Variants in KRT72 observed in about 807,000 individuals in gnomAD.
KRT72 encodes the protein keratin, type II cytoskeletal 72.
A neutral mutation model predicts 44.7 loss-of-function variants in KRT72; 44 were observed. The observed-to-expected ratio is 0.98, with a 90% CI of 0.77 to 1.27. The LOEUF (loss-of-function observed/expected upper bound fraction) is 1.27, where lower values mean the gene tolerates loss of function less well. KRT72 is among the 50% of genes most tolerant of loss of function. The pLI is 0.00. For synonymous variants in KRT72, 302 were observed against 280.4 expected, an observed-to-expected ratio of 1.08 and a Z score of -0.77; for missense variants, 736 against 667.1, an observed-to-expected ratio of 1.10 and a Z score of -1.14.
Position 52,600,833 on chromosome 12 carries a change from C to T in KRT72, c.426+194G>A, listed in dbSNP as rs192740374. Among the ~76,000 whole-genome samples the T allele has an allele frequency of 4.0e-3, 607 of 152,168 alleles. 5 individuals are homozygous for T. Among genetic ancestry groups the T allele is most frequent in the African/African-American group, 0.014 (571 of 41,520 alleles). Reference sequence around the variant, plus strand: ...GTGCCAGGCACTGTTCTGAGCACTTCGTAAACATCCCAATTAAGCCTCATC... The same window carrying T: ...GTGCCAGGCACTGTTCTGAGCACTTTGTAAACATCCCAATTAAGCCTCATC... On this transcript the variant is annotated intron_variant, in intron 1 of 8. Transcript: ENST00000293745.
intron 4 of KRT72, 41 bp from the exon 5 acceptor site, chr12:52,591,669 C>G (rs377015608): frequency 1.3e-4 from 204 of 1,560,574 alleles, no homozygotes; most frequent in Non-Finnish European, 1.7e-4. Flanking sequence ...AAGGGGTACT[C>G]ATGAGGAACC....
At chr12:52,591,373 C>A in intron 5 of KRT72, 91 bp downstream of exon 5, 2 of 1,376,792 alleles carry the variant, frequency 1.5e-6, no homozygotes, top group Non-Finnish European at 2.0e-6. Flanking sequence ...CACACACACA[C>A]AAACACACGC....
intron 1 of KRT72, among the ~76,000 whole-genome samples, chr12:52,600,738 T>C (rs574144271): frequency 2.4e-4 from 36 of 152,096 alleles, no homozygotes; most frequent in African/African-American, 7.9e-4. Flanking sequence ...CTTTTTTTTT[T>C]TCCCAGTCTC....
chr12:52,588,131 C>A (rs577797097), intron 6 of KRT72, among the ~76,000 whole-genome samples: 6 of 152,332 alleles, frequency 3.9e-5, no homozygotes, highest in African/African-American at 1.2e-4. Context: ...ATGGCCCCTG[C>A]CCTCTCCCTC....
In KRT72 at chr12:52,587,887, A is replaced by G. The variant is rs368945209; in HGVS notation, c.1090-36T>C. 5.0e-6 allele frequency: 8 copies of G among 1,592,090 alleles called. No individual in the cohort carries two copies. In the African/African-American group the frequency reaches 6.7e-5, roughly 13 times the overall value. On this transcript the variant is annotated intron_variant, in intron 6 of 8. Transcript: ENST00000293745. ...AACAGATCCAGCACTTAAGAGTCAG[A>G]GCCCAGTTCTGAGATCTTGCTTGGA...
intron 2 of KRT72, among the ~76,000 whole-genome samples, chr12:52,594,395 GC>G (rs1409934163): frequency 6.6e-6 from 1 of 151,452 alleles, no homozygotes; most frequent in African/African-American, 2.4e-5. Flanking sequence ...TTAAGAAAAT[GC>G]GGCACATCTA....
Position 52,601,461 on chromosome 12 carries a change from A to G in KRT72, c.-9T>C, listed in dbSNP as rs759363233. 2 of 1,534,326 alleles carry G rather than the reference A, an allele frequency of 1.3e-6. No homozygotes were observed. The highest frequency in any genetic ancestry group is 1.7e-6 in the Non-Finnish European group (2 of 1,146,114). On this transcript the variant is annotated 5_prime_UTR_variant, in exon 1 of 9. Coordinates refer to ENST00000293745, the MANE Select transcript of KRT72 (RefSeq NM_080747.3). Reference sequence around the variant, plus strand: ...GTCAGTTGGCGGCTCATGGCTCGCAAGTACCGGTGCTGGCCGCGCGGGAGG... The same window carrying G: ...GTCAGTTGGCGGCTCATGGCTCGCAGGTACCGGTGCTGGCCGCGCGGGAGG...
At chr12:52,587,096 T>C (rs2120711229) in intron 7 of KRT72, 116 bp from the exon 8 acceptor site, 5 of 907,796 alleles carry the variant, frequency 5.5e-6, no homozygotes, top group Admixed American at 1.9e-5. Context: ...AAACCCATCC[T>C]AGCCTCCTTT....
chr12:52,588,692 A>AAAAT (rs979685680), intron 6 of KRT72, among the ~76,000 whole-genome samples: 5 of 152,294 alleles, frequency 3.3e-5, no homozygotes, highest in Admixed American at 1.3e-4. Flanking sequence ...ACTAAAATTA[A>AAAAT]AAATAAATAA....
intron 4 of KRT72, 54 bp from the exon 5 acceptor site, chr12:52,591,682 T>A: frequency 6.6e-7 from 1 of 1,526,302 alleles, no homozygotes; most frequent in Non-Finnish European, 9.0e-7. Context: ...GAGGAACCAG[T>A]TCTCTTGGTC....
rs765512861 is a variant in KRT72 at position 52,590,883 on chromosome 12, G to A, written c.1042C>T (p.Arg348Cys). The A allele has an allele frequency of 2.4e-5, 39 of 1,605,018 alleles. No individual in the cohort carries two copies. The highest frequency in any genetic ancestry group is 2.0e-4 in the East Asian group (9 of 44,734). ...LTKAEISELNRLIQRIRSEIG... is the reference protein window; with the variant it reads ...LTKAEISELNCLIQRIRSEIG... Reference sequence around the variant, plus strand: ...TCTGAGCGGATCCTCTGGATCAGGCGGTTGAGCTCAGAGATTTCAGCCTTG... The same window carrying A: ...TCTGAGCGGATCCTCTGGATCAGGCAGTTGAGCTCAGAGATTTCAGCCTTG... Residue 348 changes from arginine (R) to cysteine (C), a missense_variant, in exon 6 of 9, where the codon CGC becomes TGC. By Grantham distance (180) the Arg-to-Cys change is radical. Transcript: ENST00000293745.
Position 52,599,084 on chromosome 12 carries a change from A to G in KRT72, c.455T>C (p.Val152Ala). ...KVRFLEQQNQ[V>A]LETKWNLLQQ... is the part of the protein sequence containing the mutation. ...TAGGAGGTTCCACTTGGTCTCTAGC[A>G]CCTGATTCTGCTGCTCCAGGAACCG... The change falls in exon 2 of 9, where the codon GTG (valine) becomes GCG (alanine). Residue 152 changes from valine (V) to alanine (A), a missense_variant. By Grantham distance (64) the Val-to-Ala change is moderately conservative. Coordinates refer to ENST00000293745, the MANE Select transcript of KRT72 (RefSeq NM_080747.3). The G allele has an allele frequency of 6.2e-7, 1 of 1,614,082 alleles. No individual in the cohort carries two copies. The highest frequency in any genetic ancestry group is 8.5e-7 in the Non-Finnish European group (1 of 1,180,008).
At chr12:52,590,621 G>T (rs548121776) in intron 6 of KRT72, among the ~76,000 whole-genome samples, 77 of 152,212 alleles carry the variant, frequency 5.1e-4, no homozygotes, top group African/African-American at 1.7e-3. Flanking sequence ...GCTTCCCTGG[G>T]GTCCTCATTC....
At chr12:52,599,205 G>T in intron 1 of KRT72, 93 bp from the exon 2 acceptor site, 1 of 1,164,292 alleles carries the variant, frequency 8.6e-7, no homozygotes, top group Non-Finnish European at 1.3e-6. Context: ...CAGCCATCCT[G>T]GGGGACTGGG....
upstream of KRT72, among the ~76,000 whole-genome samples, chr12:52,601,965 TG>T (rs1444259210): frequency 6.6e-6 from 1 of 152,226 alleles, no homozygotes. Context: ...CCCAGGCTTC[TG>T]GATGAGGACA....
At position 52,601,101 on chromosome 12, in the gene KRT72, T is replaced by G; in HGVS notation, c.352A>C (p.Ile118Leu). Residue 118 changes from isoleucine (I) to leucine (L), a missense_variant, in exon 1 of 9, where the codon ATC becomes CTC. Transcript: ENST00000293745. ...APLNVEMDPE[I>L]QRVRAQEREQ... Reference sequence around the variant, plus strand: ...CGCTCCTGGGCGCGCACCCTCTGGATCTCGGGGTCCATCTCCACGTTGAGC... The same window carrying G: ...CGCTCCTGGGCGCGCACCCTCTGGAGCTCGGGGTCCATCTCCACGTTGAGC... 1.2e-6 allele frequency: 2 copies of G among 1,612,730 alleles called. No homozygotes were observed. The highest frequency in any genetic ancestry group is 1.7e-6 in the Non-Finnish European group (2 of 1,179,592).
chr12:52,585,738 T>C lies in KRT72; in HGVS notation c.*244A>G. The C allele has an allele frequency of 2.1e-6, 1 of 485,956 alleles. No homozygotes were observed. Among genetic ancestry groups the C allele is most frequent in the Admixed American group, 3.7e-5 (1 of 27,316 alleles). 30.1% of individuals were successfully genotyped at this position (485,956 alleles called of 1,614,324 possible). A position where few individuals can be genotyped will look rare whatever the true frequency, so the allele number is the denominator to read the frequency against. ...CTTGGGGAAACATCCTGGGTAAGTG[T>C]TGTCTTTGCATTTCAGGCAATGACC... On this transcript the variant is annotated 3_prime_UTR_variant, in exon 9 of 9. Coordinates refer to ENST00000293745, the MANE Select transcript of KRT72 (RefSeq NM_080747.3).
Position 52,591,773 on chromosome 12 carries a change from C to T in KRT72, c.799-145G>A, listed in dbSNP as rs576169915. The T allele has an allele frequency of 8.3e-5, 63 of 759,026 alleles. No individual in the cohort carries two copies. In the Middle Eastern group the frequency reaches 1.5e-3, roughly 18 times the overall value. The allele number at this position is 759,026 out of a possible 1,614,324, so 47.0% of individuals were successfully genotyped here. Reference sequence around the variant, plus strand: ...CCTCAGCACCAGTGCCTGGCAGGCACGTGAAGAAGTGCCTTAGGCTTTCAG... The same window carrying T: ...CCTCAGCACCAGTGCCTGGCAGGCATGTGAAGAAGTGCCTTAGGCTTTCAG... On this transcript the variant is annotated intron_variant, in intron 4 of 8. Coordinates refer to ENST00000293745, the MANE Select transcript of KRT72 (RefSeq NM_080747.3).
In KRT72 at chr12:52,591,370, A is replaced by T. The variant is rs141797377; in HGVS notation, c.963+94T>A. The T allele has an allele frequency of 1.8e-4, 253 of 1,367,760 alleles. 3 individuals are homozygous for T. In the East Asian group the frequency reaches 6.1e-3, roughly 33 times the overall value. The allele number at this position is 1,367,760 out of a possible 1,614,324, so 84.7% of individuals were successfully genotyped here. A position where few individuals can be genotyped will look rare whatever the true frequency, so the allele number is the denominator to read the frequency against. ...TGACTGAGCCCAAATACACACACAC[A>T]CACAAACACACGCACACACACGTAC... On this transcript the variant is annotated intron_variant, in intron 5 of 8. Transcript: ENST00000293745.
Sources: allele counts gnomAD v4.1 joint callset (sites outside exome capture counted in the v4.1 genomes callset), GRCh38; gene constraint gnomAD v4.1.1; transcripts MANE v1.5; gene names NCBI Gene and HGNC (gene_info 2026-07-23, HGNC 2026-07-21).